Variants in ADGRL3 observed in about 807,000 individuals in gnomAD.
ADGRL3 encodes the protein calcium-independent alpha-latrotoxin receptor 3.
In ADGRL3, 62 loss-of-function variants were observed where a neutral mutation model predicts 153.5. That is an observed-to-expected ratio of 0.40 (90% CI 0.33 to 0.50). The LOEUF (loss-of-function observed/expected upper bound fraction) is 0.50, where lower values mean the gene tolerates loss of function less well. Among genes scored for constraint, ADGRL3 ranks in the 20% least tolerant of loss-of-function variants. ADGRL3 has a pLI of 0.47. For missense variants in ADGRL3, 1,641 were observed against 1,859.4 expected (o/e 0.88, Z 2.16); for synonymous variants, 710 against 672.5 (o/e 1.06, Z -0.86).
intron 1 of ADGRL3, among the ~76,000 whole-genome samples, chr4:61,275,754 G>C (rs570611682): frequency 1.3e-5 from 2 of 152,264 alleles, no homozygotes; most frequent in South Asian, 2.1e-4. Context: ...ACCATGTCTA[G>C]ACAGATCAAG....
At chr4:61,939,905 G>A (rs1394199646) in intron 15 of ADGRL3, among the ~76,000 whole-genome samples, 1 of 147,930 alleles carries the variant, frequency 6.8e-6, no homozygotes, top group Non-Finnish European at 1.5e-5. Context: ...GTTCTTTATT[G>A]ATGCATAGTA....
chr4:61,397,810 AT>A (rs1355463712), intron 2 of ADGRL3, among the ~76,000 whole-genome samples: 1 of 151,966 alleles, frequency 6.6e-6, no homozygotes, highest in Non-Finnish European at 1.5e-5. Context: ...CCAAAGACAG[AT>A]TTTAAACTTT....
chr4:61,305,953 A>G (rs1430985371), intron 1 of ADGRL3, among the ~76,000 whole-genome samples: 2 of 152,098 alleles, frequency 1.3e-5, no homozygotes. Context: ...GCCAATTGTC[A>G]TGGCACTGGT....
chr4:61,665,580 G>T (rs1277920405), intron 5 of ADGRL3, among the ~76,000 whole-genome samples: 1 of 152,186 alleles, frequency 6.6e-6, no homozygotes, highest in East Asian at 1.9e-4. Flanking sequence ...CCATGGGAAT[G>T]ACTCTGGTTA....
At position 61,587,449 on chromosome 4, in the gene ADGRL3, C is replaced by T; in HGVS notation, c.473+9C>T. Reference sequence around the variant, plus strand: ...AAGATTATGTCTCAAAGGTATGATACTTCTAATATTCTTTTCTTTGTGCAC... The same window carrying T: ...AAGATTATGTCTCAAAGGTATGATATTTCTAATATTCTTTTCTTTGTGCAC... On this transcript the variant is annotated intron_variant, in intron 5 of 26. Coordinates refer to ENST00000683033, the MANE Select transcript of ADGRL3 (RefSeq NM_001387552.1). 6.3e-7 allele frequency: 1 copy of T among 1,576,930 alleles called. No homozygotes were observed. The highest frequency in any genetic ancestry group is 8.7e-7 in the Non-Finnish European group (1 of 1,148,502).
At chr4:61,437,149 A>G (rs2097457780) in intron 2 of ADGRL3, among the ~76,000 whole-genome samples, 1 of 152,176 alleles carries the variant, frequency 6.6e-6, no homozygotes, top group Non-Finnish European at 1.5e-5. Context: ...ATTATGTTTA[A>G]GGTAAAATAG....
At chr4:61,825,243 A>G (rs190686439) in intron 9 of ADGRL3, among the ~76,000 whole-genome samples, 2 of 152,334 alleles carry the variant, frequency 1.3e-5, no homozygotes, top group African/African-American at 2.4e-5. Context: ...TTTGCTGAGT[A>G]TATGGCCATG....
intron 1 of ADGRL3, among the ~76,000 whole-genome samples, chr4:61,266,928 A>C (rs1355394549): frequency 1.3e-5 from 2 of 151,704 alleles, no homozygotes; most frequent in Admixed American, 1.3e-4. Context: ...CTGGACTATC[A>C]CTAATCAATT....
chr4:61,915,803 C>A (rs2098742604), intron 13 of ADGRL3, among the ~76,000 whole-genome samples: 1 of 151,994 alleles, frequency 6.6e-6, no homozygotes, highest in East Asian at 1.9e-4. Flanking sequence ...TGTCCTATTT[C>A]TATTTTCAGA....
chr4:61,438,989 A>C (rs553831813), intron 2 of ADGRL3, among the ~76,000 whole-genome samples: 1 of 152,200 alleles, frequency 6.6e-6, no homozygotes, highest in Admixed American at 6.5e-5. Context: ...TTACGATCTT[A>C]AGATGGGACC....
chr4:61,784,220 A>G (rs2097251175), intron 8 of ADGRL3, among the ~76,000 whole-genome samples: 1 of 152,172 alleles, frequency 6.6e-6, no homozygotes, highest in African/African-American at 2.4e-5. Flanking sequence ...AGACCAGATG[A>G]TAAAATCAAG....
chr4:61,952,478 CAAAA>C (rs35219845), intron 17 of ADGRL3, among the ~76,000 whole-genome samples: 1 of 66,688 alleles, frequency 1.5e-5, no homozygotes, highest in Non-Finnish European at 3.1e-5. Flanking sequence ...GACCCTGTCT[CAAAA>C]AAAAAAAAAA....
chr4:61,912,490 A>T (rs936504325), intron 12 of ADGRL3, among the ~76,000 whole-genome samples: 5 of 152,160 alleles, frequency 3.3e-5, no homozygotes, highest in African/African-American at 1.2e-4. Context: ...TAACAACTTT[A>T]TACCATAGAG....
At chr4:61,976,900 A>G (rs1383850879) in intron 17 of ADGRL3, among the ~76,000 whole-genome samples, 3 of 152,182 alleles carry the variant, frequency 2.0e-5, no homozygotes, top group Non-Finnish European at 4.4e-5. Flanking sequence ...TGTTACTGGT[A>G]AAATTCAAGT....
intron 1 of ADGRL3, among the ~76,000 whole-genome samples, chr4:61,357,128 C>G (rs1333399273): frequency 6.6e-6 from 1 of 151,952 alleles, no homozygotes; most frequent in East Asian, 1.9e-4. Context: ...TAATATCTAT[C>G]TGGGGAAAGT....
intron 9 of ADGRL3, among the ~76,000 whole-genome samples, chr4:61,889,100 A>G (rs2098555245): frequency 6.6e-6 from 1 of 152,124 alleles, no homozygotes; most frequent in Non-Finnish European, 1.5e-5. Context: ...ATGTTCACCT[A>G]CCTTTACTGA....
rs192970862 is a variant in ADGRL3 at position 61,884,131 on chromosome 4, A to T, written c.1481-8525A>T. On this transcript the variant is annotated intron_variant, in intron 9 of 26. Transcript: ENST00000683033. ...TGATTAATAAATATGGATGGAATAA[A>T]TTAATCTTATAGTTCCCAGAGCTGA... Among the ~76,000 whole-genome samples the T allele has an allele frequency of 3.3e-5, 5 of 152,340 alleles. 1 individual carries two copies. In the East Asian group the frequency reaches 7.7e-4, roughly 24 times the overall value.
At chr4:61,758,271 C>G (rs1262769944) in intron 8 of ADGRL3, among the ~76,000 whole-genome samples, 1 of 152,136 alleles carries the variant, frequency 6.6e-6, no homozygotes, top group East Asian at 1.9e-4. Flanking sequence ...CTAATGGTGA[C>G]AGTGGGGTGT....
intron 9 of ADGRL3, among the ~76,000 whole-genome samples, chr4:61,855,147 A>G (rs1052796724): frequency 2.0e-5 from 3 of 152,218 alleles, no homozygotes; most frequent in Non-Finnish European, 4.4e-5. Flanking sequence ...ATGATAACTT[A>G]CGAGTATTGG....
Sources: gnomAD v4.1 joint callset for allele counts (sites outside exome capture counted in the v4.1 genomes callset) on GRCh38, gnomAD v4.1.1 for gene constraint, MANE v1.5 for transcripts, NCBI Gene and HGNC (gene_info 2026-07-23, HGNC 2026-07-21) for gene names.